Variants in PRKCE observed in about 807,000 individuals in gnomAD.
PRKCE encodes the protein protein kinase C epsilon.
In PRKCE, 16 loss-of-function variants were observed where a neutral mutation model predicts 85.4. The observed-to-expected ratio is 0.19, with a 90% confidence interval of 0.13 to 0.28. The LOEUF (loss-of-function observed/expected upper bound fraction) is 0.28. Ranked by LOEUF, PRKCE falls within the 10% of genes least tolerant of loss-of-function variation. The pLI, the probability that PRKCE is intolerant of heterozygous loss-of-function variation, is 1.00. For synonymous variants in PRKCE, 388 were observed against 371.5 expected (o/e 1.04, Z -0.51); for missense variants, 573 against 975.2 (o/e 0.59, Z 5.49).
intron 10 of PRKCE, among the ~76,000 whole-genome samples, chr2:46,070,129 AT>A (rs1313207164): frequency 6.6e-6 from 1 of 152,196 alleles, no homozygotes; most frequent in Non-Finnish European, 1.5e-5. Flanking sequence ...AAGACATGAC[AT>A]TGTATTCACC....
chr2:46,182,715 C>A (rs762052001), intron 14 of PRKCE, among the ~76,000 whole-genome samples: 2 of 152,178 alleles, frequency 1.3e-5, no homozygotes. Context: ...CAACCTGGGA[C>A]GAGTTGAAAA....
chr2:46,185,804 G>C lies in PRKCE; in HGVS notation c.*923G>C, dbSNP rs549588384. The C allele has an allele frequency of 6.6e-5, 10 of 152,282 alleles. 1 individual carries two copies. Among genetic ancestry groups the C allele is most frequent in the African/African-American group, 2.4e-4 (10 of 41,548 alleles). 9.4% of individuals were successfully genotyped at this position (152,282 alleles called of 1,614,324 possible). ...ACCTGGACACAAAGGCGAGGACCCTGGGGTTCCAACAAAGCTCAGCTCCCA... is the reference window on the plus strand; with the variant it reads ...ACCTGGACACAAAGGCGAGGACCCTCGGGTTCCAACAAAGCTCAGCTCCCA... On this transcript the variant is annotated 3_prime_UTR_variant, in exon 15 of 15. Coordinates refer to ENST00000306156, the MANE Select transcript of PRKCE (RefSeq NM_005400.3). This position sits in a 1 kb window ranked among gnomAD's most constrained non-coding sequence, Gnocchi z 4.7.
At chr2:45,750,019 C>T (rs1683423783) in intron 1 of PRKCE, among the ~76,000 whole-genome samples, 1 of 152,144 alleles carries the variant, frequency 6.6e-6, no homozygotes, top group Non-Finnish European at 1.5e-5. Flanking sequence ...GTTCTTTCTT[C>T]ATGGTTGATT....
chr2:45,777,792 A>T (rs926081733), intron 1 of PRKCE, among the ~76,000 whole-genome samples: 5 of 152,084 alleles, frequency 3.3e-5, no homozygotes, highest in Admixed American at 6.5e-5. Context: ...CCCTGCCAGA[A>T]ACTTGGTTTG....
chr2:45,798,397 G>A (rs933660680), intron 1 of PRKCE, among the ~76,000 whole-genome samples: 2 of 152,152 alleles, frequency 1.3e-5, no homozygotes, highest in Non-Finnish European at 2.9e-5. Flanking sequence ...AAAACACGTT[G>A]CCTCCTCCTT....
At chr2:45,896,574 A>T (rs73926105) in intron 2 of PRKCE, among the ~76,000 whole-genome samples, 2,748 of 152,338 alleles carry the variant, frequency 0.018, 104 homozygotes, top group African/African-American at 0.063. Context: ...TTTTTCTGGG[A>T]AATGTGCGTA....
At chr2:45,703,397 A>T (rs186224916) in intron 1 of PRKCE, among the ~76,000 whole-genome samples, 4 of 152,094 alleles carry the variant, frequency 2.6e-5, no homozygotes, top group African/African-American at 9.6e-5. Flanking sequence ...ATGTAGCCAG[A>T]CATGGTGGCA....
chr2:46,032,515 G>C (rs1707596030), intron 10 of PRKCE, among the ~76,000 whole-genome samples: 1 of 152,150 alleles, frequency 6.6e-6, no homozygotes, highest in Non-Finnish European at 1.5e-5. Flanking sequence ...CCTTCCCGCT[G>C]GTTGTCCCCA....
chr2:46,035,922 G>A (rs778021735), intron 10 of PRKCE, among the ~76,000 whole-genome samples: 17 of 152,158 alleles, frequency 1.1e-4, no homozygotes, highest in Non-Finnish European at 1.6e-4. Flanking sequence ...AGGCAATAAC[G>A]GATTAAAAAA....
intron 2 of PRKCE, among the ~76,000 whole-genome samples, chr2:45,849,354 C>G (rs1159998622): frequency 5.3e-5 from 8 of 152,110 alleles, no homozygotes; most frequent in Admixed American, 5.2e-4. Context: ...CCATCGTGGT[C>G]TTTGTGGTCT....
At chr2:45,797,678 C>T (rs992726733) in intron 1 of PRKCE, among the ~76,000 whole-genome samples, 9 of 152,206 alleles carry the variant, frequency 5.9e-5, no homozygotes, top group East Asian at 1.9e-4. Context: ...AACAGCACTA[C>T]GCAGAGGATG....
chr2:46,179,500 C>G lies in PRKCE; in HGVS notation c.2068-5235C>G, dbSNP rs540034171. On this transcript the variant is annotated intron_variant, in intron 14 of 14. Transcript: ENST00000306156. ...TGACTACAGACACCAAAAATGTGCC[C>G]TTCCCCCAGAGTCAGTCCCAGATTT... Among the ~76,000 whole-genome samples, 5 of 152,216 alleles carry G rather than the reference C, an allele frequency of 3.3e-5. No homozygotes were observed. In the East Asian group the frequency reaches 5.8e-4, roughly 18 times the overall value.
chr2:46,006,684 GCTTC>G (rs746975076), intron 8 of PRKCE, among the ~76,000 whole-genome samples: 5 of 152,168 alleles, frequency 3.3e-5, no homozygotes, highest in Non-Finnish European at 7.3e-5. Context: ...TAACAGTAAA[GCTTC>G]TTCAAATAGA....
At chr2:46,075,888 T>G (rs960711288) in intron 10 of PRKCE, among the ~76,000 whole-genome samples, 3 of 152,148 alleles carry the variant, frequency 2.0e-5, no homozygotes, top group Non-Finnish European at 4.4e-5. Flanking sequence ...GAAGCAAAGG[T>G]TCCTGAAGCC....
At chr2:45,736,981 GC>G (rs1558614008) in intron 1 of PRKCE, among the ~76,000 whole-genome samples, 2 of 152,170 alleles carry the variant, frequency 1.3e-5, no homozygotes, top group African/African-American at 4.8e-5. Flanking sequence ...TGGAAGAGGG[GC>G]CCGGCCATGC....
rs1049506743 is a variant in PRKCE at position 45,786,446 on chromosome 2, C to A, written c.349-56554C>A. On this transcript the variant is annotated intron_variant, in intron 1 of 14. Coordinates refer to ENST00000306156, the MANE Select transcript of PRKCE (RefSeq NM_005400.3). This position sits in a 1 kb window ranked among gnomAD's most constrained non-coding sequence, Gnocchi z 5.3. ...ACTTCCGTTTCTGTACCCACCCACT[C>A]CCTCTCTTTCTGGCTGCTCCTAGTA... Among the ~76,000 whole-genome samples the A allele has an allele frequency of 3.3e-5, 5 of 152,202 alleles. No individual in the cohort carries two copies. Among genetic ancestry groups the A allele is most frequent in the East Asian group, 1.9e-4 (1 of 5,196 alleles).
chr2:45,683,382 G>A (rs1386893139), intron 1 of PRKCE, among the ~76,000 whole-genome samples: 2 of 152,182 alleles, frequency 1.3e-5, no homozygotes, highest in Admixed American at 6.5e-5. Flanking sequence ...CTTTGGAATC[G>A]TCATAGGAGC....
chr2:45,932,339 TA>T (rs1220802100), intron 2 of PRKCE, among the ~76,000 whole-genome samples: 1 of 152,224 alleles, frequency 6.6e-6, no homozygotes, highest in Non-Finnish European at 1.5e-5. Flanking sequence ...GTTTCCAGTT[TA>T]GGGGTAGTAT....
intron 1 of PRKCE, among the ~76,000 whole-genome samples, chr2:45,772,229 C>G (rs1333445886): frequency 6.6e-6 from 1 of 151,124 alleles, no homozygotes; most frequent in African/African-American, 2.4e-5. Flanking sequence ...TCCTTGAGCC[C>G]AGGAGTTCAA....
Sources: gnomAD v4.1 joint callset for allele counts (sites outside exome capture counted in the v4.1 genomes callset) on GRCh38, gnomAD v4.1.1 for gene constraint, Gnocchi (gnomAD v3.1) non-coding constraint, MANE v1.5 for transcripts, NCBI Gene and HGNC (gene_info 2026-07-23, HGNC 2026-07-21) for gene names.